Variants in DGKD observed in about 807,000 individuals in gnomAD.
DGKD encodes diacylglycerol kinase delta, also known as DAG kinase delta.
In DGKD, 68 loss-of-function variants were observed where a neutral mutation model predicts 154.4. The observed-to-expected ratio is 0.44, with a 90% CI of 0.36 to 0.54. The LOEUF (loss-of-function observed/expected upper bound fraction) is 0.54, where lower values mean the gene tolerates loss of function less well. Among genes scored for constraint, DGKD ranks in the 20% least tolerant of loss-of-function variants. DGKD has a pLI of 0.00. For missense variants in DGKD, 1,343 were observed against 1,593.6 expected (o/e 0.84, Z 2.68); for synonymous variants, 693 against 638.0 (o/e 1.09, Z -1.30).
chr2:233,432,531 C>T (rs964004531), intron 3 of DGKD, among the ~76,000 whole-genome samples: 16 of 152,090 alleles, frequency 1.1e-4, no homozygotes, highest in Admixed American at 3.9e-4. Flanking sequence ...TGGTGGCGGG[C>T]GCCTGTAGTC....
In DGKD at chr2:233,397,205, G is replaced by C. The variant is rs1044534806; in HGVS notation, c.348+6722G>C. ...ACTCCAGAGGGGACCAGGGTGGCTG[G>C]GGGGGGGGGGGTGCCAGAGTGAGAG... is the stretch of plus-strand genomic sequence containing the variant. On this transcript the variant is annotated intron_variant, in intron 3 of 29. Transcript: ENST00000264057. Among the ~76,000 whole-genome samples the C allele has an allele frequency of 4.2e-3, 15 of 3,548 alleles. 1 individual carries two copies. Among genetic ancestry groups the C allele is most frequent in the East Asian group, 0.039 (3 of 76 alleles). The allele number at this position is 3,548 out of a possible 152,430, so 2.3% of individuals were successfully genotyped here.
At position 233,438,235 on chromosome 2, in the gene DGKD, GTCC is replaced by G. The variant is rs2062764267; in HGVS notation, c.946_948del (p.Pro316del). The G allele has an allele frequency of 5.6e-6, 9 of 1,613,964 alleles. No homozygotes were observed. The highest frequency in any genetic ancestry group is 7.6e-6 in the Non-Finnish European group (9 of 1,179,988). Reference sequence around the variant, plus strand: ...CGTCCAGGGTTCTGGAAGGCCAGCTGTCCTCCTTCTTGCACAAGCCCACTGTTG... The same window carrying G: ...CGTCCAGGGTTCTGGAAGGCCAGCTGTCCTTCTTGCACAAGCCCACTGTTG... On this transcript the variant is annotated inframe_deletion, in exon 9 of 30. Coordinates refer to ENST00000264057, the MANE Select transcript of DGKD (RefSeq NM_152879.3). This position sits in a 1 kb window ranked among gnomAD's most constrained non-coding sequence, Gnocchi z 4.1.
chr2:233,393,220 G>T (rs1223137123), intron 3 of DGKD, among the ~76,000 whole-genome samples: 4 of 151,698 alleles, frequency 2.6e-5, no homozygotes, highest in Non-Finnish European at 4.4e-5. Flanking sequence ...TAGAGACGGG[G>T]TTTCGCCATG....
Position 233,445,902 on chromosome 2 carries a change from C to T in DGKD, c.1334+140C>T, listed in dbSNP as rs1054529141. On this transcript the variant is annotated intron_variant, in intron 11 of 29. Coordinates refer to ENST00000264057, the MANE Select transcript of DGKD (RefSeq NM_152879.3). This position sits in a 1 kb window ranked among gnomAD's most constrained non-coding sequence, Gnocchi z 5.5. ...TAAAGATTTGACCTGAGTATATATT[C>T]GGATAGTCTTTGATATTTGGTCAGA... 30 of 1,078,976 alleles carry T rather than the reference C, an allele frequency of 2.8e-5. No homozygotes were observed. Among genetic ancestry groups the T allele is most frequent in the Non-Finnish European group, 3.6e-5 (28 of 786,852 alleles). The allele number at this position is 1,078,976 out of a possible 1,614,324, so 66.8% of individuals were successfully genotyped here. A position where few individuals can be genotyped will look rare whatever the true frequency, so the allele number is the denominator to read the frequency against.
chr2:233,383,126 C>T (rs1053397347), intron 1 of DGKD, among the ~76,000 whole-genome samples: 1 of 151,700 alleles, frequency 6.6e-6, no homozygotes, highest in South Asian at 2.1e-4. Flanking sequence ...CTGCAACCTC[C>T]GTCTGCTGGG....
chr2:233,462,127 G>A (rs943009133), intron 24 of DGKD, among the ~76,000 whole-genome samples: 1 of 152,200 alleles, frequency 6.6e-6, no homozygotes, highest in Non-Finnish European at 1.5e-5. Context: ...GGATTTTGAC[G>A]TCAGATTTCT....
At chr2:233,382,903 G>A (rs1242641643) in intron 1 of DGKD, among the ~76,000 whole-genome samples, 1 of 152,192 alleles carries the variant, frequency 6.6e-6, no homozygotes, top group Non-Finnish European at 1.5e-5. Context: ...GCATCCTCCA[G>A]GGTTAAGCAT....
chr2:233,413,573 G>A (rs540138504), intron 3 of DGKD, among the ~76,000 whole-genome samples: 4 of 152,328 alleles, frequency 2.6e-5, no homozygotes, highest in Non-Finnish European at 4.4e-5. Flanking sequence ...CCCGAACCAT[G>A]CCTGGCACCA....
chr2:233,419,911 G>C (rs569402414), intron 3 of DGKD, among the ~76,000 whole-genome samples: 2 of 152,258 alleles, frequency 1.3e-5, no homozygotes, highest in Admixed American at 1.3e-4. Flanking sequence ...TGTTTTTGCT[G>C]TTCTCCTCTA....
At chr2:233,391,133 C>G (rs189183360) in intron 3 of DGKD, among the ~76,000 whole-genome samples, 12 of 152,070 alleles carry the variant, frequency 7.9e-5, no homozygotes, top group Non-Finnish European at 1.5e-5. Context: ...TAAAAAGCAG[C>G]CATAACAGCC....
chr2:233,390,279 C>CA (rs1703511144), intron 2 of DGKD, 124 bp from the exon 3 acceptor site: 1 of 579,730 alleles, frequency 1.7e-6, no homozygotes, highest in Non-Finnish European at 3.0e-6. Context: ...GCTACAGTTT[C>CA]AAGGTACTGG....
intron 3 of DGKD, 142 bp downstream of exon 3, chr2:233,390,625 T>C: frequency 1.5e-6 from 1 of 651,826 alleles, no homozygotes; most frequent in East Asian, 2.8e-5. Context: ...TTGAATTTAA[T>C]GCTGAAAGTA....
At position 233,354,551 on chromosome 2, in the gene DGKD, T is replaced by A. The variant is rs1027501691; in HGVS notation, c.33T>A (p.Gly11=). 4.9e-6 allele frequency: 5 copies of A among 1,015,732 alleles called. No homozygotes were observed. Among genetic ancestry groups the A allele is most frequent in the Non-Finnish European group, 4.7e-6 (4 of 850,606 alleles). 62.9% of individuals were successfully genotyped at this position (1,015,732 alleles called of 1,614,324 possible). A position where few individuals can be genotyped will look rare whatever the true frequency, so the allele number is the denominator to read the frequency against. ...CGGCGGCGGGCGCCCCTCCGCCGGG[T>A]CCCCCGCAACCGCCTCCGCCGCCGC... MAAAAGAPPP[G]PPQPPPPPPP... is the part of the protein sequence containing the mutation. The change falls in exon 1 of 30, where the codon GGT becomes GGA. Residue 11 remains glycine (G), a synonymous_variant. Coordinates refer to ENST00000264057, the MANE Select transcript of DGKD (RefSeq NM_152879.3). The surrounding 1 kb of genome is among the most constrained non-coding windows in gnomAD (Gnocchi z 4.8).
At chr2:233,464,418 C>T in intron 27 of DGKD, 135 bp downstream of exon 27, 2 of 1,093,158 alleles carry the variant, frequency 1.8e-6, no homozygotes, top group Non-Finnish European at 2.7e-6. Flanking sequence ...GGGCCTTCTC[C>T]AGACTTCGCT....
chr2:233,389,312 G>C (rs1703416730), intron 2 of DGKD, among the ~76,000 whole-genome samples: 1 of 152,216 alleles, frequency 6.6e-6, no homozygotes, highest in Admixed American at 6.5e-5. Context: ...GCTGGAGGAG[G>C]AGCAGCCAGT....
At chr2:233,448,228 GC>G (rs1334181747) in intron 13 of DGKD, 47 bp downstream of exon 13, 5 of 1,614,082 alleles carry the variant, frequency 3.1e-6, no homozygotes. Context: ...CTGGCCCCCA[GC>G]CTGGAGCTGC....
intron 1 of DGKD, among the ~76,000 whole-genome samples, chr2:233,387,717 T>G (rs1703277976): frequency 6.6e-6 from 1 of 152,164 alleles, no homozygotes; most frequent in Non-Finnish European, 1.5e-5. Flanking sequence ...CCTCTCATGG[T>G]GTGTGCAGAT....
At chr2:233,433,708 T>G (rs1254702177) in intron 3 of DGKD, among the ~76,000 whole-genome samples, 1 of 152,194 alleles carries the variant, frequency 6.6e-6, no homozygotes, top group Non-Finnish European at 1.5e-5. Flanking sequence ...ATACCTACCA[T>G]GTACCCACAA....
At chr2:233,365,217 A>G (rs1361898023) in intron 1 of DGKD, among the ~76,000 whole-genome samples, 2 of 152,134 alleles carry the variant, frequency 1.3e-5, no homozygotes, top group Non-Finnish European at 2.9e-5. Context: ...AGAATTGAAC[A>G]ACACAAGAAC....
Sources: gnomAD v4.1 joint callset for allele counts (sites outside exome capture counted in the v4.1 genomes callset) on GRCh38, gnomAD v4.1.1 for gene constraint, Gnocchi (gnomAD v3.1) non-coding constraint, MANE v1.5 for transcripts, NCBI Gene and HGNC (gene_info 2026-07-23, HGNC 2026-07-21) for gene names.